SNRPD3: variants seen among roughly 807,000 people sequenced by gnomAD.
SNRPD3 encodes small nuclear ribonucleoprotein Sm D3.
For synonymous variants in SNRPD3, 66 were observed against 58.4 expected (o/e 1.13, Z -0.59); for missense variants, 73 against 167.5 (o/e 0.44, Z 3.11).
chr22:24,566,166 T>G (rs1050453647), intron 2 of SNRPD3, among the ~76,000 whole-genome samples: 3 of 152,190 alleles, frequency 2.0e-5, no homozygotes, highest in African/African-American at 7.2e-5. Flanking sequence ...TATGAGAAAC[T>G]GGAGCCCTGT....
intron 2 of SNRPD3, among the ~76,000 whole-genome samples, chr22:24,563,700 A>G (rs146737287): frequency 7.5e-4 from 114 of 152,316 alleles, no homozygotes; most frequent in African/African-American, 2.7e-3. Context: ...AATGTGGTGT[A>G]GAGCTCTGCA....
At chr22:24,570,885 A>G (rs1043010182) in intron 3 of SNRPD3, among the ~76,000 whole-genome samples, 1 of 137,170 alleles carries the variant, frequency 7.3e-6, no homozygotes, top group South Asian at 2.2e-4. Context: ...GCTTGATCTC[A>G]GCTCACTGCC....
At chr22:24,563,260 A>G (rs7511590) in intron 2 of SNRPD3, among the ~76,000 whole-genome samples, 1 of 36,158 alleles carries the variant, frequency 2.8e-5, no homozygotes, top group East Asian at 6.4e-4. Flanking sequence ...GTATGTATGT[A>G]TATATGTATG....
At chr22:24,555,865 C>T (rs551696359), upstream of SNRPD3, 9 of 1,525,838 alleles carry the variant, frequency 5.9e-6, no homozygotes, top group South Asian at 7.2e-5. Context: ...GTACTGGTGC[C>T]CTAGTTTCCC....
At chr22:24,563,388 G>T (rs1014623674) in intron 2 of SNRPD3, among the ~76,000 whole-genome samples, 14 of 151,934 alleles carry the variant, frequency 9.2e-5, no homozygotes, top group Admixed American at 3.3e-4. Context: ...TATCGGGTCA[G>T]AGGGTGTGCA....
At chr22:24,568,384 C>G (rs1304185407) in intron 3 of SNRPD3, among the ~76,000 whole-genome samples, 2 of 152,050 alleles carry the variant, frequency 1.3e-5, no homozygotes, top group Non-Finnish European at 2.9e-5. Flanking sequence ...CTTTGTCACC[C>G]AGGCTGGAGT....
intron 2 of SNRPD3, among the ~76,000 whole-genome samples, chr22:24,564,374 T>C (rs2045176060): frequency 6.6e-6 from 1 of 152,208 alleles, no homozygotes. Flanking sequence ...TTATACCATA[T>C]GTGTTTCATT....
In SNRPD3 at chr22:24,574,639, T is replaced by C. The variant is rs2045275044; in HGVS notation, c.*2662T>C. 6.6e-6 allele frequency among the ~76,000 whole-genome samples: 1 copy of C among 152,198 alleles called. No individual in the cohort carries two copies. The highest frequency in any genetic ancestry group is 1.5e-5 in the Non-Finnish European group (1 of 68,020). ...CACTGCAGCCTCAACCTTCTCGGGC[T>C]CAGGTGATTCTCCCACCTCAGCCTC... On this transcript the variant is annotated 3_prime_UTR_variant, in exon 4 of 4. Coordinates refer to ENST00000215829, the MANE Select transcript of SNRPD3 (RefSeq NM_004175.5).
At chr22:24,565,208 G>C (rs2045185802) in intron 2 of SNRPD3, among the ~76,000 whole-genome samples, 2 of 151,994 alleles carry the variant, frequency 1.3e-5, no homozygotes. Flanking sequence ...AACAATTTCA[G>C]GAAATGTGCA....
At chr22:24,568,785 G>T (rs545966545) in intron 3 of SNRPD3, among the ~76,000 whole-genome samples, 96 of 152,290 alleles carry the variant, frequency 6.3e-4, no homozygotes, top group African/African-American at 2.2e-3. Flanking sequence ...TTGAACTCAT[G>T]ACCTTGTGAT....
chr22:24,555,801 T>G (rs1331455967), upstream of SNRPD3: 6 of 1,548,704 alleles, frequency 3.9e-6, no homozygotes, highest in South Asian at 7.1e-5. Flanking sequence ...CAAGGGTCGT[T>G]GCGGCGGCCC....
In SNRPD3 at chr22:24,572,760, C is replaced by CA. The variant is rs879420221; in HGVS notation, c.*795dup. 2.6e-4 allele frequency: 36 copies of CA among 138,454 alleles called. No homozygotes were observed. In the Middle Eastern group the frequency reaches 0.012, roughly 45 times the overall value. The allele number at this position is 138,454 out of a possible 1,614,324, so 8.6% of individuals were successfully genotyped here. On this transcript the variant is annotated 3_prime_UTR_variant, in exon 4 of 4. Transcript: ENST00000215829. ...TGGGTGACAGAGCGAGACTGCACCT[C>CA]AAAAAAAAAAAAGTAATTCAGGGGA...
At chr22:24,560,373 C>T (rs1193927355) in intron 2 of SNRPD3, among the ~76,000 whole-genome samples, 3 of 148,602 alleles carry the variant, frequency 2.0e-5, no homozygotes, top group Admixed American at 6.7e-5. Context: ...CTGCTCGCCT[C>T]GACCTCCCAA....
chr22:24,559,018 C>G (rs1485126533), intron 2 of SNRPD3, among the ~76,000 whole-genome samples: 1 of 152,178 alleles, frequency 6.6e-6, no homozygotes, highest in Non-Finnish European at 1.5e-5. Context: ...TTACAAAGAT[C>G]AGATGAGCTG....
intron 2 of SNRPD3, among the ~76,000 whole-genome samples, chr22:24,560,715 CTTTTTTTTTTTTTTTTTTTT>C (rs59348518): frequency 2.0e-5 from 2 of 98,864 alleles, no homozygotes; most frequent in Non-Finnish European, 3.7e-5. Flanking sequence ...TGCACCTGGC[CTTTTTTTTTTTTTTTTTTTT>C]TTTTTTTTTT....
rs1165413005 is a variant in SNRPD3, at chr22:24,572,124, G to T, written c.*147G>T. 17 of 1,445,610 alleles carry T rather than the reference G, an allele frequency of 1.2e-5. No individual in the cohort carries two copies. The highest frequency in any genetic ancestry group is 2.5e-5 in the South Asian group (2 of 80,422). The allele number at this position is 1,445,610 out of a possible 1,614,324, so 89.5% of individuals were successfully genotyped here. On this transcript the variant is annotated 3_prime_UTR_variant, in exon 4 of 4. Coordinates refer to ENST00000215829, the MANE Select transcript of SNRPD3 (RefSeq NM_004175.5). The stretch of plus-strand genomic sequence containing the variant: ...TGTTTAAGCTAAATAAATCTGGGGG[G>T]TTTTTTGTTCTGTTTTGTTTTGTTT...
chr22:24,567,900 G>A, intron 2 of SNRPD3, 84 bp from the exon 3 acceptor site: 1 of 1,043,240 alleles, frequency 9.6e-7, no homozygotes, highest in Middle Eastern at 3.2e-4. Flanking sequence ...CTGCTTTTCT[G>A]GACTTCCCCC....
chr22:24,565,578 C>T (rs1467133214), intron 2 of SNRPD3, among the ~76,000 whole-genome samples: 8 of 152,210 alleles, frequency 5.3e-5, no homozygotes, highest in Admixed American at 4.6e-4. Context: ...TGGATCTCAC[C>T]TATAGGTCTT....
At chr22:24,568,966 C>T (rs1467793760) in intron 3 of SNRPD3, among the ~76,000 whole-genome samples, 1 of 152,214 alleles carries the variant, frequency 6.6e-6, no homozygotes, top group African/African-American at 2.4e-5. Context: ...GCCTCGGCCC[C>T]CTGAAATGCT....
Sources: gnomAD v4.1 joint callset for allele counts (sites outside exome capture counted in the v4.1 genomes callset) on GRCh38, gnomAD v4.1.1 for gene constraint, MANE v1.5 for transcripts, NCBI Gene and HGNC (gene_info 2026-07-23, HGNC 2026-07-21) for gene names.